CNTN1: variants seen among roughly 807,000 people sequenced by gnomAD.
The protein encoded by CNTN1 is contactin 1, also known as contactin-1.
Under a neutral mutation model 126.4 loss-of-function variants are expected in CNTN1, and 38 were observed. The observed-to-expected ratio is 0.30, with a 90% CI of 0.23 to 0.39. The LOEUF (loss-of-function observed/expected upper bound fraction) is 0.39, where lower values mean the gene tolerates loss of function less well. Ranked by LOEUF, CNTN1 falls within the 10% of genes least tolerant of loss-of-function variation. CNTN1 has a pLI of 1.00. For missense variants in CNTN1, 1,009 were observed against 1,248.4 expected (o/e 0.81, Z 2.89); for synonymous variants, 413 against 422.6 (o/e 0.98, Z 0.28).
At chr12:40,918,947 C>A (rs984656162) in intron 4 of CNTN1, among the ~76,000 whole-genome samples, 176 bp downstream of exon 4, 1 of 152,100 alleles carries the variant, frequency 6.6e-6, no homozygotes, top group Non-Finnish European at 1.5e-5. Flanking sequence ...AGCAGATTTT[C>A]TTAAATATAT....
intron 1 of CNTN1, among the ~76,000 whole-genome samples, chr12:40,888,308 C>T (rs2136718167): frequency 6.6e-6 from 1 of 151,992 alleles, no homozygotes; most frequent in South Asian, 2.1e-4. Context: ...ATAGTGTTAC[C>T]CATTTCCTTA....
At chr12:40,816,135 C>G (rs7134237) in intron 1 of CNTN1, among the ~76,000 whole-genome samples, 131,684 of 152,128 alleles carry the variant, frequency 0.87, 57,680 homozygotes, top group East Asian at 1. Flanking sequence ...TCTCTTCCTG[C>G]TTTTGGTATC....
At chr12:40,739,888 C>T (rs1341024021) in intron 1 of CNTN1, among the ~76,000 whole-genome samples, 4 of 152,012 alleles carry the variant, frequency 2.6e-5, no homozygotes, top group Non-Finnish European at 5.9e-5. Context: ...AAACATATTA[C>T]ACTACCAAGG....
chr12:40,861,761 T>C (rs1344887742), intron 1 of CNTN1, among the ~76,000 whole-genome samples: 1 of 152,164 alleles, frequency 6.6e-6, no homozygotes, highest in African/African-American at 2.4e-5. Flanking sequence ...ATATGTATCT[T>C]TACTTAATCA....
intron 1 of CNTN1, among the ~76,000 whole-genome samples, chr12:40,739,222 T>G (rs1396358053): frequency 2.0e-5 from 3 of 152,024 alleles, no homozygotes; most frequent in Non-Finnish European, 4.4e-5. Flanking sequence ...TTGTTTGTAG[T>G]AATGAAAAAC....
At chr12:40,839,218 A>C (rs1942185426) in intron 1 of CNTN1, among the ~76,000 whole-genome samples, 1 of 152,114 alleles carries the variant, frequency 6.6e-6, no homozygotes, top group East Asian at 1.9e-4. Context: ...GAAATAATGC[A>C]GTCAGACAAA....
chr12:41,018,469 T>C (rs1948831255), intron 19 of CNTN1, among the ~76,000 whole-genome samples: 1 of 152,094 alleles, frequency 6.6e-6, no homozygotes, highest in Admixed American at 6.6e-5. Context: ...TAAATCATCC[T>C]ATGATCTTTA....
intron 1 of CNTN1, among the ~76,000 whole-genome samples, chr12:40,718,105 C>T (rs1463528987): frequency 6.6e-6 from 1 of 152,028 alleles, no homozygotes; most frequent in Non-Finnish European, 1.5e-5. Flanking sequence ...AATGTGCATT[C>T]TCATTTGAAA....
intron 23 of CNTN1, among the ~76,000 whole-genome samples, chr12:41,037,551 G>A (rs1443639481): frequency 6.6e-6 from 1 of 152,008 alleles, no homozygotes; most frequent in African/African-American, 2.4e-5. Flanking sequence ...GTTGCCTAAT[G>A]ACATTTCTGT....
intron 9 of CNTN1, among the ~76,000 whole-genome samples, chr12:40,936,143 A>T (rs1269336275): frequency 1.3e-5 from 2 of 151,942 alleles, no homozygotes; most frequent in African/African-American, 4.8e-5. Context: ...GCATTTTCTC[A>T]TTTTTATGGA....
At chr12:40,766,130 C>T (rs146559222) in intron 1 of CNTN1, among the ~76,000 whole-genome samples, 128 of 152,024 alleles carry the variant, frequency 8.4e-4, no homozygotes, top group African/African-American at 2.8e-3. Flanking sequence ...GGCCGAGGCC[C>T]GCAGATCACT....
intron 17 of CNTN1, among the ~76,000 whole-genome samples, chr12:40,997,357 T>C (rs1948243286): frequency 6.6e-6 from 1 of 152,188 alleles, no homozygotes; most frequent in Non-Finnish European, 1.5e-5. Context: ...GAAAAAAGAA[T>C]AAAACCAGGA....
chr12:40,811,737 A>G (rs1178759137), intron 1 of CNTN1, among the ~76,000 whole-genome samples: 1 of 149,372 alleles, frequency 6.7e-6, no homozygotes, highest in African/African-American at 2.5e-5. Flanking sequence ...TTGTAATATC[A>G]CCTGTTATAT....
At chr12:40,981,496 G>A (rs1200352698) in intron 16 of CNTN1, among the ~76,000 whole-genome samples, 2 of 152,038 alleles carry the variant, frequency 1.3e-5, no homozygotes, top group Non-Finnish European at 2.9e-5. Context: ...CTTAAATTAA[G>A]CATCCAAATC....
chr12:40,718,036 T>C (rs1181340019), intron 1 of CNTN1, among the ~76,000 whole-genome samples: 2 of 152,214 alleles, frequency 1.3e-5, no homozygotes, highest in Non-Finnish European at 2.9e-5. Flanking sequence ...TGTTTTCACA[T>C]GGAATTGGGT....
At chr12:40,989,791 G>A (rs367925966) in intron 16 of CNTN1, among the ~76,000 whole-genome samples, 27 of 152,110 alleles carry the variant, frequency 1.8e-4, no homozygotes, top group African/African-American at 6.5e-4. Flanking sequence ...TGTATACATG[G>A]CCACAAATGA....
intron 12 of CNTN1, among the ~76,000 whole-genome samples, chr12:40,940,123 C>T (rs181541872): frequency 1.2e-4 from 18 of 151,828 alleles, no homozygotes; most frequent in East Asian, 9.7e-4. Context: ...AAAATTATGA[C>T]GAGGAGAAAG....
chr12:40,903,388 CTT>C (rs112301816), intron 1 of CNTN1, among the ~76,000 whole-genome samples: 59 of 130,756 alleles, frequency 4.5e-4, no homozygotes, highest in Admixed American at 6.9e-4. Flanking sequence ...GTCAGAGTTG[CTT>C]TTTTTTTTTT....
rs535707062 is a variant in CNTN1 at position 40,905,997 on chromosome 12, C to T, written c.-76-2360C>T. Among the ~76,000 whole-genome samples the T allele has an allele frequency of 8.5e-5, 13 of 152,168 alleles. No homozygotes were observed. In the South Asian group the frequency reaches 2.3e-3, roughly 27 times the overall value. ...CCTGTCCTCTAAAAGAATTGTTGGC[C>T]GGGTGCAATGGCTCACGCCTGTAAT... On this transcript the variant is annotated intron_variant, in intron 1 of 23. Transcript: ENST00000551295.
Sources: allele counts gnomAD v4.1 joint callset (sites outside exome capture counted in the v4.1 genomes callset), GRCh38; gene constraint gnomAD v4.1.1; transcripts MANE v1.5; gene names NCBI Gene and HGNC (gene_info 2026-07-23, HGNC 2026-07-21).